AGO2: variants seen among roughly 807,000 people sequenced by gnomAD.
AGO2 encodes the protein argonaute RISC catalytic component 2, also known as protein argonaute-2.
In AGO2, 5 loss-of-function variants were observed where a neutral mutation model predicts 102.3. The ratio of observed to expected loss-of-function variants is 0.05; its 90% CI spans 0.03 to 0.10. AGO2 has a LOEUF of 0.10. Ranked by LOEUF, AGO2 falls within the 10% of genes least tolerant of loss-of-function variation. The probability of loss-of-function intolerance (pLI) is 1.00; values close to 1 mark genes in which losing one functional copy is unlikely to be tolerated. For missense variants in AGO2, 541 were observed against 1,183.7 expected (o/e 0.46, Z 7.97); for synonymous variants, 449 against 473.1 (o/e 0.95, Z 0.66).
chr8:140,590,465 G>A (rs965407841), intron 1 of AGO2, among the ~76,000 whole-genome samples: 5 of 151,958 alleles, frequency 3.3e-5, no homozygotes, highest in East Asian at 1.9e-4. Flanking sequence ...ATCCAAATAC[G>A]GATACCAAGG....
At chr8:140,543,600 C>T (rs750431328) in intron 14 of AGO2, among the ~76,000 whole-genome samples, 1 of 152,154 alleles carries the variant, frequency 6.6e-6, no homozygotes, top group Non-Finnish European at 1.5e-5. Flanking sequence ...GAACTACAGG[C>T]GCACGCCACC....
At chr8:140,633,589 A>G (rs1190595731) in intron 1 of AGO2, among the ~76,000 whole-genome samples, 1 of 152,240 alleles carries the variant, frequency 6.6e-6, no homozygotes, top group Non-Finnish European at 1.5e-5. Flanking sequence ...ACAGTACAGC[A>G]GTGAGCTGGG....
chr8:140,576,836 G>A (rs1430653972), intron 2 of AGO2, among the ~76,000 whole-genome samples: 3 of 152,164 alleles, frequency 2.0e-5, no homozygotes, highest in African/African-American at 7.2e-5. Context: ...CTGATGAGTG[G>A]ACAAACCCAT....
Position 140,522,549 on chromosome 8 carries a change from T to TAA in AGO2, c.*9494_*9495insTT, listed in dbSNP as rs1481969843. 4.0e-5 allele frequency: 2 copies of TAA among 49,534 alleles called. No homozygotes were observed. Among genetic ancestry groups the TAA allele is most frequent in the African/African-American group, 1.2e-4 (1 of 8,366 alleles). 3.1% of individuals were successfully genotyped at this position (49,534 alleles called of 1,614,324 possible). On this transcript the variant is annotated 3_prime_UTR_variant, in exon 19 of 19. Transcript: ENST00000220592. ...TGGAGGGGAAAAAAAAAAAGAAACA[T>TAA]GAAAAAAAAAAAAAACCCTGAAAAA...
At position 140,532,511 on chromosome 8, in the gene AGO2, G is replaced by A. The variant is rs1322371878; in HGVS notation, c.2376C>T (p.Arg792=). 1 of 1,614,154 alleles carries A rather than the reference G, an allele frequency of 6.2e-7. No homozygotes were observed. Among genetic ancestry groups the A allele is most frequent in the African/African-American group, 1.3e-5 (1 of 74,960 alleles). ...LTYQLCHTYV[R]CTRSVSIPAP... ...CTGGGATGGACACGGAGCGTGTGCAGCGCACGTAGGTGTGACACAGCTGGT... is the reference window on the plus strand; with the variant it reads ...CTGGGATGGACACGGAGCGTGTGCAACGCACGTAGGTGTGACACAGCTGGT... Residue 792 remains arginine, a synonymous_variant, in exon 18 of 19, where the codon CGC becomes CGT. Coordinates refer to ENST00000220592, the MANE Select transcript of AGO2 (RefSeq NM_012154.5).
In AGO2 at chr8:140,540,818, T is replaced by G. The variant is rs1053008109; in HGVS notation, c.2034+346A>C. Among the ~76,000 whole-genome samples, 2 of 151,658 alleles carry G rather than the reference T, an allele frequency of 1.3e-5. No homozygotes were observed. The highest frequency in any genetic ancestry group is 3.9e-4 in the East Asian group (2 of 5,142). On this transcript the variant is annotated intron_variant, in intron 15 of 18. Transcript: ENST00000220592. This position sits in a 1 kb window ranked among gnomAD's most constrained non-coding sequence, Gnocchi z 5.0. ...CCGCCTCGCAGGGACACCCGACAGC[T>G]CTCCACAGCCTGCAAGGCAAAGCCA...
chr8:140,599,689 A>C (rs549693603), intron 1 of AGO2, among the ~76,000 whole-genome samples: 1 of 151,820 alleles, frequency 6.6e-6, no homozygotes, highest in South Asian at 2.1e-4. Flanking sequence ...ACATCTCTTC[A>C]CCTGTCTGGA....
intron 1 of AGO2, among the ~76,000 whole-genome samples, chr8:140,596,439 C>T (rs548759108): frequency 2.3e-4 from 35 of 152,236 alleles, no homozygotes; most frequent in African/African-American, 7.0e-4. Context: ...CAAAATTAGC[C>T]GGGCACGGTG....
intron 3 of AGO2, among the ~76,000 whole-genome samples, chr8:140,571,659 T>C (rs976172778): frequency 6.6e-6 from 1 of 152,234 alleles, no homozygotes; most frequent in African/African-American, 2.4e-5. Flanking sequence ...ACTGTGTATG[T>C]TGTTCCCAGA....
chr8:140,565,856 G>A (rs1011042229), intron 3 of AGO2, among the ~76,000 whole-genome samples: 2 of 151,976 alleles, frequency 1.3e-5, no homozygotes, highest in Non-Finnish European at 2.9e-5. Context: ...GAGGTGGGAG[G>A]ATGGTTTGAG....
chr8:140,549,195 G>C lies in AGO2; in HGVS notation c.1507C>G (p.Pro503Ala). 8 of 1,613,790 alleles carry C rather than the reference G, an allele frequency of 5.0e-6. No homozygotes were observed. The highest frequency in any genetic ancestry group is 6.8e-6 in the Non-Finnish European group (8 of 1,179,954). Residue 503 changes from proline to alanine, a missense_variant, in exon 12 of 19, where the codon CCC becomes GCC. Pro to Ala is a conservative substitution (Grantham distance 27). This residue lies in a region of AGO2 where 309 missense variants were observed against 735.1 expected (regional missense o/e 0.42). Transcript: ENST00000220592. ...KYAQGADSVE[P>A]MFRHLKNTYA... is the part of the protein sequence containing the mutation. ...GTGTTCTTCAGGTGCCGGAACATGG[G>C]CTCCACGCTGTCCGCCCCCTGCGCG... is the stretch of plus-strand genomic sequence containing the variant.
At chr8:140,626,135 G>A (rs541365456) in intron 1 of AGO2, among the ~76,000 whole-genome samples, 17 of 152,020 alleles carry the variant, frequency 1.1e-4, no homozygotes, top group Admixed American at 2.0e-4. Flanking sequence ...CACAGCTGGC[G>A]CCCTTTCGGC....
intron 13 of AGO2, 121 bp from the exon 14 acceptor site, chr8:140,544,424 T>A: frequency 2.5e-6 from 2 of 788,370 alleles, no homozygotes; most frequent in South Asian, 1.7e-5. Context: ...TTGAAAAGAA[T>A]CCTTATCTTT....
At chr8:140,616,060 G>C (rs1343068103) in intron 1 of AGO2, among the ~76,000 whole-genome samples, 1 of 152,180 alleles carries the variant, frequency 6.6e-6, no homozygotes, top group Non-Finnish European at 1.5e-5. Flanking sequence ...GCCTTCCTCA[G>C]AACAAGGTTT....
In AGO2 at chr8:140,547,539, G is replaced by C. The variant is rs1373776945; in HGVS notation, c.1677C>G (p.Thr559=). 1 of 1,614,052 alleles carries C rather than the reference G, an allele frequency of 6.2e-7. No individual in the cohort carries two copies. Among genetic ancestry groups the C allele is most frequent in the Non-Finnish European group, 8.5e-7 (1 of 1,180,012 alleles). The change falls in exon 13 of 19, where the codon ACC becomes ACG. Residue 559 remains threonine (T), a synonymous_variant. Transcript: ENST00000220592. ...TGATCTTCAGGCAGAGGTTGGACAG[G>C]GTCTGTGGCGTGGTCCTCTGCACGT... ...MKNVQRTTPQ[T]LSNLCLKINV...
intron 3 of AGO2, chr8:140,572,603 C>A: frequency 1.7e-6 from 1 of 582,562 alleles, no homozygotes; most frequent in Non-Finnish European, 2.7e-6. Flanking sequence ...CGTGTCTGGA[C>A]CTAGACAAGT....
At chr8:140,609,048 T>C (rs963024255) in intron 1 of AGO2, among the ~76,000 whole-genome samples, 1 of 152,144 alleles carries the variant, frequency 6.6e-6, no homozygotes, top group African/African-American at 2.4e-5. Context: ...GGTAAGCATC[T>C]CTTGGAGGCT....
At chr8:140,536,740 A>T (rs1396496282) in intron 16 of AGO2, among the ~76,000 whole-genome samples, 1 of 152,066 alleles carries the variant, frequency 6.6e-6, no homozygotes, top group African/African-American at 2.4e-5. Context: ...AGGTGTCACC[A>T]GGAGCAAGCT....
At chr8:140,603,342 G>C (rs2073956206) in intron 1 of AGO2, among the ~76,000 whole-genome samples, 1 of 152,192 alleles carries the variant, frequency 6.6e-6, no homozygotes, top group Non-Finnish European at 1.5e-5. Flanking sequence ...CAAGGGAGGA[G>C]GGATCCAGGG....
Sources: gnomAD v4.1 joint callset for allele counts (sites outside exome capture counted in the v4.1 genomes callset) on GRCh38, gnomAD v4.1.1 for gene constraint, gnomAD v4.1.1 regional missense constraint, Gnocchi (gnomAD v3.1) non-coding constraint, MANE v1.5 for transcripts, NCBI Gene and HGNC (gene_info 2026-07-23, HGNC 2026-07-21) for gene names.